MDGA2: variants seen among roughly 807,000 people sequenced by gnomAD.
The protein encoded by MDGA2 is MAM domain containing glycosylphosphatidylinositol anchor 2.
MDGA2 carries 40 observed loss-of-function variants against 117.8 expected under a neutral mutation model. That is an observed-to-expected ratio of 0.34 (90% CI 0.26 to 0.44). The LOEUF is 0.44. Among genes scored for constraint, MDGA2 ranks in the 20% least tolerant of loss-of-function variants. The probability of loss-of-function intolerance (pLI) is 1.00; values close to 1 mark genes in which losing one functional copy is unlikely to be tolerated. For missense variants in MDGA2, 1,123 were observed against 1,250.6 expected (o/e 0.90, Z 1.54); for synonymous variants, 452 against 439.0 (o/e 1.03, Z -0.37).
intron 8 of MDGA2, among the ~76,000 whole-genome samples, chr14:47,019,252 T>A (rs1888197461): frequency 6.6e-6 from 1 of 152,138 alleles, no homozygotes; most frequent in Non-Finnish European, 1.5e-5. Flanking sequence ...GTCTTGAGTA[T>A]AATGTAGGAA....
chr14:47,562,050 A>G (rs1895826933), intron 1 of MDGA2, among the ~76,000 whole-genome samples: 1 of 152,174 alleles, frequency 6.6e-6, no homozygotes, highest in South Asian at 2.1e-4. Context: ...CAAATATTGA[A>G]CCAACTTTGC....
chr14:47,220,385 A>T (rs1165333928), intron 2 of MDGA2, among the ~76,000 whole-genome samples: 1 of 152,190 alleles, frequency 6.6e-6, no homozygotes, highest in East Asian at 1.9e-4. Context: ...ACCCCAAATT[A>T]TTAATCGCCA....
chr14:47,431,300 T>A (rs1394077879), intron 1 of MDGA2, among the ~76,000 whole-genome samples: 1 of 151,834 alleles, frequency 6.6e-6, no homozygotes, highest in African/African-American at 2.4e-5. Context: ...TAATCATCAG[T>A]TTAGGGAGGG....
At chr14:47,240,108 G>A (rs113941926) in intron 2 of MDGA2, among the ~76,000 whole-genome samples, 12,329 of 151,664 alleles carry the variant, frequency 0.081, 708 homozygotes, top group Middle Eastern at 0.085. Context: ...GCAGTGGCAC[G>A]ATCTCGGCTC....
intron 1 of MDGA2, among the ~76,000 whole-genome samples, chr14:47,491,346 G>A (rs1406088682): frequency 3.3e-5 from 5 of 151,978 alleles, no homozygotes; most frequent in African/African-American, 4.8e-5. Context: ...TAGGAGTACA[G>A]ATTTTGCCGT....
chr14:47,056,947 G>A (rs1386895946), intron 7 of MDGA2, among the ~76,000 whole-genome samples: 2 of 151,942 alleles, frequency 1.3e-5, no homozygotes, highest in African/African-American at 4.8e-5. Flanking sequence ...ATAGCATATA[G>A]TATATTTAAT....
rs542037754 is a variant in MDGA2 at position 47,174,629 on chromosome 14, T to C, written c.596-30355A>G. On this transcript the variant is annotated intron_variant, in intron 3 of 16. Transcript: ENST00000399232. ...AACAAAGACACAACATACCAGAATC[T>C]CTGGGACACATTCAAAGCAGTGAGT... Among the ~76,000 whole-genome samples, 8 of 152,174 alleles carry C rather than the reference T, an allele frequency of 5.3e-5. No individual in the cohort carries two copies. The South Asian group carries it at 1.7e-3, about 32-fold the overall frequency.
chr14:47,195,387 C>T (rs962318417), intron 3 of MDGA2, among the ~76,000 whole-genome samples: 24 of 152,028 alleles, frequency 1.6e-4, no homozygotes, highest in African/African-American at 5.5e-4. Flanking sequence ...TTTGAAAATA[C>T]CTTTTATTAA....
chr14:47,036,222 A>T (rs1230208798), intron 7 of MDGA2, among the ~76,000 whole-genome samples: 1 of 136,062 alleles, frequency 7.3e-6, no homozygotes, highest in Non-Finnish European at 1.5e-5. Flanking sequence ...GTGAGTTGAG[A>T]TTGCACCACT....
intron 1 of MDGA2, among the ~76,000 whole-genome samples, chr14:47,354,654 A>C (rs1476713536): frequency 1.3e-5 from 2 of 152,122 alleles, no homozygotes; most frequent in Non-Finnish European, 2.9e-5. Flanking sequence ...AACTATCCCC[A>C]ACATTTTCTT....
intron 14 of MDGA2, among the ~76,000 whole-genome samples, chr14:46,860,111 A>T: frequency 6.6e-6 from 1 of 152,120 alleles, no homozygotes; most frequent in East Asian, 1.9e-4. Context: ...AAATATGGGT[A>T]TCCACTTTTT....
In MDGA2 at chr14:47,202,330, T is replaced by TA. The variant is rs1392438801; in HGVS notation, c.595+15690dup. ...AAATTGTCCAAGGCTATAAACCTAGTAAAAGGTGGAGATGCATGCTTGCAA... is the reference window on the plus strand; with the variant it reads ...AAATTGTCCAAGGCTATAAACCTAGTAAAAAGGTGGAGATGCATGCTTGCAA... On this transcript the variant is annotated intron_variant, in intron 3 of 16. Coordinates refer to ENST00000399232, the MANE Select transcript of MDGA2 (RefSeq NM_001113498.3). 3.9e-5 allele frequency among the ~76,000 whole-genome samples: 6 copies of TA among 152,326 alleles called. No homozygotes were observed. The East Asian group carries it at 5.8e-4, about 15-fold the overall frequency.
At chr14:47,079,523 C>A (rs929426505) in intron 6 of MDGA2, among the ~76,000 whole-genome samples, 8 of 151,898 alleles carry the variant, frequency 5.3e-5, no homozygotes, top group Non-Finnish European at 1.2e-4. Flanking sequence ...CAGATAATTT[C>A]TGATAGCATT....
chr14:47,469,864 T>C (rs897660963), intron 1 of MDGA2, among the ~76,000 whole-genome samples: 2 of 152,144 alleles, frequency 1.3e-5, no homozygotes, highest in Non-Finnish European at 2.9e-5. Context: ...TGTCAGCACT[T>C]TCATGTTATA....
At chr14:47,239,277 C>T (rs1484586228) in intron 2 of MDGA2, among the ~76,000 whole-genome samples, 1 of 150,404 alleles carries the variant, frequency 6.6e-6, no homozygotes, top group Non-Finnish European at 1.5e-5. Flanking sequence ...CAAATTCTGT[C>T]ACATTGCTTT....
intron 1 of MDGA2, among the ~76,000 whole-genome samples, chr14:47,653,059 G>A (rs1897673865): frequency 6.7e-6 from 1 of 148,380 alleles, no homozygotes; most frequent in Non-Finnish European, 1.5e-5. Flanking sequence ...GCCACTGGTG[G>A]ATATGAGTGC....
At chr14:47,285,398 C>T (rs1393747814) in intron 2 of MDGA2, among the ~76,000 whole-genome samples, 1 of 151,984 alleles carries the variant, frequency 6.6e-6, no homozygotes, top group African/African-American at 2.4e-5. Context: ...AGGATTATAA[C>T]TTTTTAGTTT....
intron 3 of MDGA2, among the ~76,000 whole-genome samples, chr14:47,173,835 A>T (rs1414027482): frequency 6.6e-6 from 1 of 152,218 alleles, no homozygotes; most frequent in East Asian, 1.9e-4. Flanking sequence ...AAATGCTCCA[A>T]TTAAAAGACA....
At chr14:47,197,858 G>C (rs954651692) in intron 3 of MDGA2, among the ~76,000 whole-genome samples, 6 of 152,048 alleles carry the variant, frequency 3.9e-5, no homozygotes, top group Non-Finnish European at 7.4e-5. Context: ...GCAGTGAGCC[G>C]AGATTGCACC....
Sources: allele counts gnomAD v4.1 joint callset (sites outside exome capture counted in the v4.1 genomes callset), GRCh38; gene constraint gnomAD v4.1.1; transcripts MANE v1.5; gene names NCBI Gene and HGNC (gene_info 2026-07-23, HGNC 2026-07-21).